The following PRKG1 variants were observed in gnomAD, a reference collection of about 807,000 sequenced individuals.
PRKG1 encodes protein kinase cGMP-dependent 1.
A neutral mutation model predicts 88.1 loss-of-function variants in PRKG1; 35 were observed. The ratio of observed to expected loss-of-function variants is 0.40; its 90% CI spans 0.30 to 0.53. PRKG1 has a LOEUF of 0.53. Among genes scored for constraint, PRKG1 ranks in the 20% least tolerant of loss-of-function variants. The pLI, the probability that PRKG1 is intolerant of heterozygous loss-of-function variation, is 0.59. For synonymous variants in PRKG1, 303 were observed against 292.5 expected, an observed-to-expected ratio of 1.04 and a Z score of -0.37; for missense variants, 540 against 839.8, an observed-to-expected ratio of 0.64 and a Z score of 4.41.
intron 4 of PRKG1, among the ~76,000 whole-genome samples, chr10:51,827,456 T>C (rs1839905799): frequency 1.3e-5 from 2 of 152,112 alleles, no homozygotes; most frequent in African/African-American, 2.4e-5. Flanking sequence ...ATTGTCTTCT[T>C]TGAGGATCCT....
At chr10:51,876,595 G>T (rs1461400182) in intron 4 of PRKG1, among the ~76,000 whole-genome samples, 1 of 152,146 alleles carries the variant, frequency 6.6e-6, no homozygotes, top group East Asian at 1.9e-4. Flanking sequence ...AGAATAGCCA[G>T]CCAGTTACGT....
At chr10:51,548,249 G>T (rs1004063051) in intron 3 of PRKG1, among the ~76,000 whole-genome samples, 1 of 50,566 alleles carries the variant, frequency 2.0e-5, no homozygotes, top group Non-Finnish European at 5.9e-5. Context: ...GCAGCACAAA[G>T]GGCTTACGTC....
At chr10:51,958,468 T>C (rs1843366026) in intron 5 of PRKG1, among the ~76,000 whole-genome samples, 5 of 152,050 alleles carry the variant, frequency 3.3e-5, no homozygotes, top group Admixed American at 3.3e-4. Context: ...GACCAGAGTT[T>C]TTTTTAGGAT....
chr10:51,357,401 T>C (rs191548199), intron 2 of PRKG1, among the ~76,000 whole-genome samples: 3 of 152,050 alleles, frequency 2.0e-5, no homozygotes, highest in Admixed American at 2.0e-4. Context: ...GAAATACCAC[T>C]CTCTCATCAA....
chr10:51,750,225 T>G (rs990944999), intron 3 of PRKG1, among the ~76,000 whole-genome samples: 1 of 152,126 alleles, frequency 6.6e-6, no homozygotes, highest in African/African-American at 2.4e-5. Flanking sequence ...CATGAGCCAC[T>G]GTGCCTGGCC....
intron 2 of PRKG1, among the ~76,000 whole-genome samples, chr10:51,429,561 C>T (rs1374744468): frequency 2.0e-5 from 3 of 151,884 alleles, no homozygotes; most frequent in African/African-American, 7.3e-5. Flanking sequence ...GTTCAAAGAA[C>T]TAAAAGAAAT....
intron 4 of PRKG1, among the ~76,000 whole-genome samples, chr10:51,831,490 A>G (rs1840005149): frequency 6.6e-6 from 1 of 152,250 alleles, no homozygotes; most frequent in Admixed American, 6.5e-5. Flanking sequence ...GGAAAACAAT[A>G]AAACAGAACA....
intron 3 of PRKG1, among the ~76,000 whole-genome samples, chr10:51,576,468 G>C (rs1455648544): frequency 2.6e-5 from 4 of 151,900 alleles, no homozygotes; most frequent in Non-Finnish European, 5.9e-5. Context: ...TGATGAATAT[G>C]TGTTATGTCC....
chr10:51,624,315 A>G (rs1839280928), intron 3 of PRKG1, among the ~76,000 whole-genome samples: 1 of 152,080 alleles, frequency 6.6e-6, no homozygotes, highest in Non-Finnish European at 1.5e-5. Context: ...GTGAGAATGG[A>G]CCCTGTTTTC....
intron 3 of PRKG1, among the ~76,000 whole-genome samples, chr10:51,529,897 C>T (rs987230428): frequency 6.6e-5 from 10 of 152,136 alleles, no homozygotes; most frequent in African/African-American, 2.4e-4. Context: ...AATCTAATGA[C>T]ATTATGAAAC....
At chr10:51,619,036 C>A (rs539715147) in intron 3 of PRKG1, among the ~76,000 whole-genome samples, 26 of 151,762 alleles carry the variant, frequency 1.7e-4, no homozygotes, top group Non-Finnish European at 2.9e-4. Flanking sequence ...CTCGGCCTCC[C>A]AAAGTGCTGG....
At chr10:52,007,609 C>T (rs74703754) in intron 5 of PRKG1, among the ~76,000 whole-genome samples, 1 of 152,150 alleles carries the variant, frequency 6.6e-6, no homozygotes, top group Non-Finnish European at 1.5e-5. Flanking sequence ...AATATAGGAA[C>T]ACCCAGATTC....
At chr10:51,360,342 C>T (rs1267811387) in intron 2 of PRKG1, among the ~76,000 whole-genome samples, 1 of 151,850 alleles carries the variant, frequency 6.6e-6, no homozygotes, top group African/African-American at 2.4e-5. Flanking sequence ...CTTTCTAATT[C>T]TAACAAAGAA....
At chr10:51,379,509 A>G (rs899962180) in intron 2 of PRKG1, among the ~76,000 whole-genome samples, 4 of 152,226 alleles carry the variant, frequency 2.6e-5, no homozygotes, top group African/African-American at 9.6e-5. Context: ...TTACAATTAT[A>G]TTTAAATAAT....
At chr10:51,861,197 T>C (rs1166891664) in intron 4 of PRKG1, among the ~76,000 whole-genome samples, 2 of 152,226 alleles carry the variant, frequency 1.3e-5, no homozygotes, top group Non-Finnish European at 2.9e-5. Flanking sequence ...AGTTCAAATA[T>C]GCTTAAACAA....
chr10:52,106,186 A>G (rs1034562734), intron 7 of PRKG1, among the ~76,000 whole-genome samples: 3 of 152,186 alleles, frequency 2.0e-5, no homozygotes, highest in African/African-American at 7.2e-5. Flanking sequence ...TCAATTCACA[A>G]GTACTTAATG....
intron 1 of PRKG1, among the ~76,000 whole-genome samples, chr10:51,068,089 C>G (rs548626477): frequency 3.7e-4 from 57 of 152,178 alleles, no homozygotes; most frequent in Admixed American, 6.5e-4. Flanking sequence ...ACCCTTGTTT[C>G]AAGAATAATA....
intron 3 of PRKG1, among the ~76,000 whole-genome samples, chr10:51,590,727 A>G (rs900934919): frequency 1.3e-5 from 2 of 151,876 alleles, no homozygotes; most frequent in Non-Finnish European, 2.9e-5. Flanking sequence ...ATCAAGCACA[A>G]TTAATTTTAG....
intron 13 of PRKG1, 61 bp from the exon 14 acceptor site, chr10:52,282,092 C>A: frequency 7.1e-7 from 1 of 1,404,946 alleles, no homozygotes; most frequent in South Asian, 1.5e-5. Context: ...TTCAAAATAA[C>A]TTATTACTTT....
Sources: gnomAD v4.1 joint callset for allele counts (sites outside exome capture counted in the v4.1 genomes callset) on GRCh38, gnomAD v4.1.1 for gene constraint, MANE v1.5 for transcripts, NCBI Gene and HGNC (gene_info 2026-07-23, HGNC 2026-07-21) for gene names.